The following SPECC1 variants were observed in gnomAD, a reference collection of about 807,000 sequenced individuals.
SPECC1 encodes the protein cytospin-B.
SPECC1 carries 62 observed loss-of-function variants against 104.1 expected under a neutral mutation model. The observed-to-expected ratio is 0.60, with a 90% CI of 0.49 to 0.74. SPECC1 has a LOEUF of 0.74. Ranked by LOEUF, SPECC1 falls within the 30% of genes least tolerant of loss-of-function variation. The pLI is 0.00. For missense variants in SPECC1, 1,306 were observed against 1,310.5 expected (o/e 1.00, Z 0.05); for synonymous variants, 513 against 501.6 (o/e 1.02, Z -0.30).
At chr17:20,028,815 T>G (rs1212448940) in intron 1 of SPECC1, among the ~76,000 whole-genome samples, 1 of 149,088 alleles carries the variant, frequency 6.7e-6, no homozygotes, top group Non-Finnish European at 1.5e-5. Context: ...CAGGCTGGAG[T>G]GCAATGGCAC....
chr17:20,239,065 A>G lies in SPECC1; in HGVS notation c.2351+6660A>G, dbSNP rs748788142. The G allele has an allele frequency of 1.4e-3, 1,423 of 1,032,766 alleles. 1 individual carries two copies. Among genetic ancestry groups the G allele is most frequent in the Non-Finnish European group, 1.6e-3 (1,384 of 858,784 alleles). The allele number at this position is 1,032,766 out of a possible 1,614,324, so 64.0% of individuals were successfully genotyped here. A position where few individuals can be genotyped will look rare whatever the true frequency, so the allele number is the denominator to read the frequency against. ...TGTAAATAGGAGGTTGACATGGAAT[A>G]TGAACAGTTTCATTAGTAGAACAAA... On this transcript the variant is annotated intron_variant, in intron 7 of 14. Transcript: ENST00000395527.
chr17:20,023,722 T>TA (rs1382266302), intron 1 of SPECC1, among the ~76,000 whole-genome samples: 2 of 151,798 alleles, frequency 1.3e-5, no homozygotes, highest in Non-Finnish European at 2.9e-5. Context: ...AGACTCTGAA[T>TA]AAAAAATCCA....
At position 20,227,449 on chromosome 17, in the gene SPECC1, G is replaced by GA. The variant is rs1254422556; in HGVS notation, c.1901dup (p.Asp634GlufsTer22). The GA allele has an allele frequency of 2.5e-6, 4 of 1,613,456 alleles. No homozygotes were observed. The stretch of plus-strand genomic sequence containing the variant: ...TTATTCATACCTGAAGGAGATATGT[G>GA]ATCACCAAGCCGAACAGCTGAGCAG... On this transcript the variant is annotated frameshift_variant, in exon 5 of 15. Transcript: ENST00000395527. LOFTEE classifies it high-confidence loss of function.
At chr17:20,172,321 T>C (rs2034151664) in intron 3 of SPECC1, among the ~76,000 whole-genome samples, 1 of 152,258 alleles carries the variant, frequency 6.6e-6, no homozygotes, top group Admixed American at 6.5e-5. Context: ...CACAGGATAC[T>C]TCCAGTTAAC....
intron 12 of SPECC1, among the ~76,000 whole-genome samples, chr17:20,272,839 A>G (rs567284501): frequency 1.5e-4 from 23 of 152,356 alleles, no homozygotes; most frequent in African/African-American, 3.6e-4. Flanking sequence ...CACAGATACA[A>G]TGTTACATAT....
chr17:20,271,934 G>A (rs1334119573), intron 12 of SPECC1, among the ~76,000 whole-genome samples: 1 of 151,894 alleles, frequency 6.6e-6, no homozygotes, highest in South Asian at 2.1e-4. Flanking sequence ...TGTGGGCATC[G>A]CTCCATTGTC....
At chr17:20,017,191 T>G (rs1038469930) in intron 1 of SPECC1, 1 of 152,300 alleles carries the variant, frequency 6.6e-6, no homozygotes, top group African/African-American at 2.4e-5. Context: ...GTTTGTCCTT[T>G]TGATGTTTGG....
In SPECC1 at chr17:20,229,294, A is replaced by C. The variant is rs866144252; in HGVS notation, c.2071+1674A>C. On this transcript the variant is annotated intron_variant, in intron 5 of 14. Coordinates refer to ENST00000395527, the MANE Select transcript of SPECC1 (RefSeq NM_001243439.2). ...AGGTTGAGACGCACCTACAGAGAAAACACGTGTATTAGGGAAGCTTCATGC... is the reference window on the plus strand; with the variant it reads ...AGGTTGAGACGCACCTACAGAGAAACCACGTGTATTAGGGAAGCTTCATGC... Among the ~76,000 whole-genome samples, 19 of 152,194 alleles carry C rather than the reference A, an allele frequency of 1.2e-4. No homozygotes were observed. In the Middle Eastern group the frequency reaches 0.017, roughly 136 times the overall value.
rs1289807041 is a variant in SPECC1 at position 20,316,961 on chromosome 17, T to C, written c.*2896T>C. Reference sequence around the variant, plus strand: ...GTGGCCAAACTCCCCCATTTTTGTCTGTATCCTGCTCTCTTTAGGTTAAAA... The same window carrying C: ...GTGGCCAAACTCCCCCATTTTTGTCCGTATCCTGCTCTCTTTAGGTTAAAA... On this transcript the variant is annotated 3_prime_UTR_variant, in exon 15 of 15. Transcript: ENST00000395527. 4.7e-6 allele frequency: 1 copy of C among 214,910 alleles called. No homozygotes were observed. Among genetic ancestry groups the C allele is most frequent in the Non-Finnish European group, 9.4e-6 (1 of 106,392 alleles). The allele number at this position is 214,910 out of a possible 1,614,324, so 13.3% of individuals were successfully genotyped here.
intron 7 of SPECC1, chr17:20,237,014 A>C: frequency 6.4e-7 from 1 of 1,554,870 alleles, no homozygotes. Context: ...TCCTTGTGAC[A>C]TTCTCTGTTT....
intron 1 of SPECC1, among the ~76,000 whole-genome samples, chr17:20,051,137 TTTCC>T (rs1293121750): frequency 4.7e-4 from 56 of 118,604 alleles, no homozygotes; most frequent in East Asian, 1.5e-3. Context: ...TCTTTCTTTC[TTTCC>T]TTCTTTCCTT....
intron 12 of SPECC1, among the ~76,000 whole-genome samples, chr17:20,261,956 A>G (rs1011472399): frequency 7.2e-5 from 11 of 152,226 alleles, no homozygotes; most frequent in Admixed American, 1.3e-4. Flanking sequence ...TCCCTAAGAT[A>G]ACCATTGTCC....
chr17:20,203,045 A>G (rs916132120), intron 3 of SPECC1, among the ~76,000 whole-genome samples: 1 of 152,100 alleles, frequency 6.6e-6, no homozygotes, highest in Non-Finnish European at 1.5e-5. Flanking sequence ...GGGCTCAGAA[A>G]TAGTCTTGGT....
intron 14 of SPECC1, among the ~76,000 whole-genome samples, chr17:20,310,440 GATGAGAT>G (rs2041899891): frequency 6.6e-6 from 1 of 152,160 alleles, no homozygotes; most frequent in African/African-American, 2.4e-5. Flanking sequence ...GGTGTGAGAT[GATGAGAT>G]CTTTAAAAAT....
Position 20,025,769 on chromosome 17 carries a change from A to G in SPECC1, c.-22+16345A>G, listed in dbSNP as rs984086468. On this transcript the variant is annotated intron_variant, in intron 1 of 14. Coordinates refer to ENST00000395527, the MANE Select transcript of SPECC1 (RefSeq NM_001243439.2). The stretch of plus-strand genomic sequence containing the variant: ...TCATACGGTAACTCTGTATTTAATA[A>G]TTTGAGGAGCTGCCAGACTGTTTTC... Among the ~76,000 whole-genome samples the G allele has an allele frequency of 9.8e-5, 15 of 152,292 alleles. No individual in the cohort carries two copies. The South Asian group carries it at 1.7e-3, about 17-fold the overall frequency.
chr17:20,172,181 G>C (rs967650809), intron 3 of SPECC1, among the ~76,000 whole-genome samples: 3 of 152,124 alleles, frequency 2.0e-5, no homozygotes, highest in African/African-American at 7.2e-5. Context: ...CCTCCTTTCT[G>C]TTGCTTTCTT....
At chr17:20,181,276 C>G (rs757677935) in intron 3 of SPECC1, among the ~76,000 whole-genome samples, 1 of 150,176 alleles carries the variant, frequency 6.7e-6, no homozygotes, top group African/African-American at 2.5e-5. Context: ...GAAAAAAGTA[C>G]AAAATAAAGA....
At chr17:20,029,130 G>T (rs368912579) in intron 1 of SPECC1, among the ~76,000 whole-genome samples, 1 of 152,276 alleles carries the variant, frequency 6.6e-6, no homozygotes, top group African/African-American at 2.4e-5. Flanking sequence ...CCAGTAATAA[G>T]TCTTTTGATC....
At position 20,016,550 on chromosome 17, in the gene SPECC1, C is replaced by T. The variant is rs568111071; in HGVS notation, c.-22+7126C>T. On this transcript the variant is annotated intron_variant, in intron 1 of 14. Transcript: ENST00000395527. ...CGGTGGGCGTGGGCTTGGCGGGCCC[C>T]GCACTGGGAGCGGCCGGCCAGCCGG... Among the ~76,000 whole-genome samples, 15 of 152,288 alleles carry T rather than the reference C, an allele frequency of 9.8e-5. No homozygotes were observed. The East Asian group carries it at 1.5e-3, about 16-fold the overall frequency.
Sources: allele counts gnomAD v4.1 joint callset (sites outside exome capture counted in the v4.1 genomes callset), GRCh38; gene constraint gnomAD v4.1.1; transcripts MANE v1.5; gene names NCBI Gene and HGNC (gene_info 2026-07-23, HGNC 2026-07-21).